XRN1: variants seen among roughly 807,000 people sequenced by gnomAD.
XRN1 encodes strand-exchange protein 1 homolog.
Under a neutral mutation model 222.3 loss-of-function variants are expected in XRN1, and 67 were observed. That is an observed-to-expected ratio of 0.30 (90% CI 0.25 to 0.37). XRN1 has a LOEUF of 0.37. Among genes scored for constraint, XRN1 ranks in the 10% least tolerant of loss-of-function variants. XRN1 has a pLI of 1.00. For missense variants in XRN1, 1,707 were observed against 2,000.2 expected, an observed-to-expected ratio of 0.85 and a Z score of 2.80; for synonymous variants, 643 against 652.4, an observed-to-expected ratio of 0.99 and a Z score of 0.22.
At chr3:142,417,338 A>C in intron 12 of XRN1, 109 bp from the exon 13 acceptor site, 1 of 858,368 alleles carries the variant, frequency 1.2e-6, no homozygotes. Flanking sequence ...TTATTTAATC[A>C]ATGAATTAGC....
chr3:142,362,143 A>G (rs1424057006), intron 29 of XRN1, among the ~76,000 whole-genome samples: 1 of 148,668 alleles, frequency 6.7e-6, no homozygotes, highest in Non-Finnish European at 1.5e-5. Flanking sequence ...TAATTTTTGT[A>G]TATATATTTT....
intron 36 of XRN1, among the ~76,000 whole-genome samples, chr3:142,330,070 A>G (rs951779948): frequency 3.3e-5 from 5 of 152,232 alleles, no homozygotes; most frequent in African/African-American, 4.8e-5. Flanking sequence ...AAATATAAGT[A>G]CCTAACTGCC....
In XRN1 at chr3:142,371,338, C is replaced by A. The variant is rs369191492; in HGVS notation, c.2979-10G>T. The A allele has an allele frequency of 1.3e-6, 2 of 1,590,872 alleles. No homozygotes were observed. Among genetic ancestry groups the A allele is most frequent in the Non-Finnish European group, 1.7e-6 (2 of 1,167,788 alleles). ...AAATAGTTCTGGAGCTCTGGTCAAA[C>A]AAACAAAAATATTGTCTTAAAATAT... is the stretch of plus-strand genomic sequence containing the variant. On this transcript the variant is annotated splice_polypyrimidine_tract_variant and intron_variant, in intron 25 of 40. Transcript: ENST00000392981.
At chr3:142,387,391 T>C (rs370664229) in intron 20 of XRN1, among the ~76,000 whole-genome samples, 1 of 152,200 alleles carries the variant, frequency 6.6e-6, no homozygotes, top group East Asian at 1.9e-4. Flanking sequence ...GTAATATTCC[T>C]GTTATTGTTT....
intron 18 of XRN1, 29 bp downstream of exon 18, chr3:142,403,645 A>G: frequency 1.3e-6 from 2 of 1,588,928 alleles, no homozygotes; most frequent in South Asian, 2.2e-5. Flanking sequence ...ATAGGCATCT[A>G]ATAAATGAAT....
chr3:142,318,332 T>C (rs1304891753), intron 39 of XRN1, among the ~76,000 whole-genome samples: 3 of 152,154 alleles, frequency 2.0e-5, no homozygotes, highest in Non-Finnish European at 4.4e-5. Context: ...TTTTGATGTC[T>C]AACTTAAACA....
intron 20 of XRN1, among the ~76,000 whole-genome samples, chr3:142,392,295 C>A (rs920781416): frequency 1.3e-5 from 2 of 151,408 alleles, no homozygotes; most frequent in African/African-American, 4.9e-5. Flanking sequence ...TCTCCAATAA[C>A]CTCCTTCATT....
At chr3:142,318,531 A>C in intron 39 of XRN1, 61 bp downstream of exon 39, 2 of 1,419,220 alleles carry the variant, frequency 1.4e-6, no homozygotes, top group South Asian at 1.3e-5. Context: ...TTGATTTCTT[A>C]AAAGAGCTTA....
In XRN1 at chr3:142,312,630, C is replaced by G. The variant is rs1171975055; in HGVS notation, c.4750G>C (p.Gly1584Arg). 42 of 1,613,098 alleles carry G rather than the reference C, an allele frequency of 2.6e-5. No homozygotes were observed. Among genetic ancestry groups the G allele is most frequent in the Non-Finnish European group, 3.3e-5 (39 of 1,179,412 alleles). The part of the protein sequence containing the change: ...GTMPMAGGIP[G>R]GVHNQFIPLQ... ...GGTATAAACTGATTGTGCACACCCC[C>G]TGGTATTCCCCCAGCCATGGGCATG... The change falls in exon 40 of 41, where the codon GGG becomes CGG. Residue 1584 changes from glycine (G) to arginine (R), a missense_variant. Coordinates refer to ENST00000392981, the MANE Select transcript of XRN1 (RefSeq NM_001282857.2).
chr3:142,428,111 G>A (rs953328437), intron 2 of XRN1, among the ~76,000 whole-genome samples: 3 of 152,058 alleles, frequency 2.0e-5, no homozygotes, highest in Non-Finnish European at 2.9e-5. Flanking sequence ...AATTATTCTT[G>A]GCCAGGTGCG....
At chr3:142,418,764 C>T (rs1312174986) in intron 11 of XRN1, 51 bp downstream of exon 11, 1 of 1,585,866 alleles carries the variant, frequency 6.3e-7, no homozygotes, top group Admixed American at 1.7e-5. Flanking sequence ...AAAGGTATAA[C>T]AATTATCCTG....
intron 37 of XRN1, among the ~76,000 whole-genome samples, chr3:142,321,272 A>C (rs890978858): frequency 5.9e-5 from 9 of 151,932 alleles, no homozygotes; most frequent in African/African-American, 2.2e-4. Context: ...GGTGCATGCC[A>C]TCATGTCCAG....
At chr3:142,404,101 G>T in intron 16 of XRN1, 112 bp from the exon 17 acceptor site, 1 of 927,920 alleles carries the variant, frequency 1.1e-6, no homozygotes, top group South Asian at 1.8e-5. Flanking sequence ...TTAAAGAAGA[G>T]AATGACAATT....
At chr3:142,404,858 T>G in intron 16 of XRN1, 49 bp downstream of exon 16, 2 of 1,581,098 alleles carry the variant, frequency 1.3e-6, no homozygotes, top group Non-Finnish European at 1.7e-6. Flanking sequence ...CTCGCACCCT[T>G]GTGTTAGGAG....
intron 3 of XRN1, 56 bp from the exon 4 acceptor site, chr3:142,425,594 C>T: frequency 7.1e-7 from 1 of 1,417,420 alleles, no homozygotes; most frequent in Middle Eastern, 2.3e-4. Flanking sequence ...ACATTAAGTT[C>T]TCAGTGACAA....
chr3:142,380,624 A>C (rs2067274907), intron 22 of XRN1, among the ~76,000 whole-genome samples: 1 of 151,988 alleles, frequency 6.6e-6, no homozygotes, highest in African/African-American at 2.4e-5. Flanking sequence ...CAAAGTGGTA[A>C]GATAATAGGT....
At chr3:142,321,386 G>A (rs1176918681) in intron 37 of XRN1, among the ~76,000 whole-genome samples, 2 of 152,172 alleles carry the variant, frequency 1.3e-5, no homozygotes, top group Admixed American at 6.5e-5. Flanking sequence ...CTCTGAAAAT[G>A]CTGGGATTAC....
At position 142,418,553 on chromosome 3, in the gene XRN1, A is replaced by G; in HGVS notation, c.1297T>C (p.Tyr433His). The G allele has an allele frequency of 1.2e-6, 2 of 1,612,058 alleles. No individual in the cohort carries two copies. Among genetic ancestry groups the G allele is most frequent in the Non-Finnish European group, 1.7e-6 (2 of 1,179,400 alleles). Residue 433 changes from tyrosine (Y) to histidine (H), a missense_variant, in exon 12 of 41, where the codon TAT (tyrosine) becomes CAT (histidine). Transcript: ENST00000392981. ...DDLFETEFRQ[Y>H]KRTYYMTKMG... ...TTCGTCATGTAATATGTTCTTTTAT[A>G]TTGTCTAAACTCAGTTTCAAATAGG...
At chr3:142,317,909 T>A (rs1434529204) in intron 39 of XRN1, among the ~76,000 whole-genome samples, 1 of 122,908 alleles carries the variant, frequency 8.1e-6, no homozygotes, top group Non-Finnish European at 1.7e-5. Flanking sequence ...TCTTTTCAAA[T>A]CTCTAATCTG....
Sources: allele counts gnomAD v4.1 joint callset (sites outside exome capture counted in the v4.1 genomes callset), GRCh38; gene constraint gnomAD v4.1.1; transcripts MANE v1.5; gene names NCBI Gene and HGNC (gene_info 2026-07-23, HGNC 2026-07-21).